The following EHMT1 variants were observed in gnomAD, a reference collection of about 807,000 sequenced individuals.
EHMT1 encodes euchromatic histone lysine methyltransferase 1.
EHMT1 carries 15 observed loss-of-function variants against 147.2 expected under a neutral mutation model. The ratio of observed to expected loss-of-function variants is 0.10; its 90% CI spans 0.07 to 0.16. The LOEUF is 0.16. Ranked by LOEUF, EHMT1 falls within the 10% of genes least tolerant of loss-of-function variation. The pLI is 1.00. For missense variants in EHMT1, 1,587 were observed against 1,772.4 expected, an observed-to-expected ratio of 0.90 and a Z score of 1.88; for synonymous variants, 795 against 709.6, an observed-to-expected ratio of 1.12 and a Z score of -1.91.
intron 1 of EHMT1, chr9:137,646,555 G>A (rs576557591): frequency 4.6e-5 from 28 of 612,306 alleles, no homozygotes; most frequent in South Asian, 7.2e-5. Flanking sequence ...GGAGGCCCCC[G>A]AGCGTGTGGG....
intron 1 of EHMT1, among the ~76,000 whole-genome samples, chr9:137,657,521 T>A (rs1454468430): frequency 3.3e-5 from 5 of 150,932 alleles, no homozygotes; most frequent in South Asian, 2.1e-4. Context: ...TTAATAAAAA[T>A]TTTTTATTTT....
chr9:137,682,337 G>GT (rs1228509109), intron 1 of EHMT1, among the ~76,000 whole-genome samples: 7 of 152,072 alleles, frequency 4.6e-5, no homozygotes, highest in Admixed American at 3.3e-4. Context: ...GTGAACTGTT[G>GT]TTTTTTCCCC....
At chr9:137,716,532 G>T in intron 2 of EHMT1, 94 bp from the exon 3 acceptor site, 2 of 1,075,056 alleles carry the variant, frequency 1.9e-6, no homozygotes, top group South Asian at 3.2e-5. Context: ...GGAGGAAGTT[G>T]TGGTGGTGTC....
rs1267268829 is a variant in EHMT1 at position 137,777,922 on chromosome 9, G to T, written c.2059G>T (p.Gly687Cys). The T allele has an allele frequency of 6.2e-7, 1 of 1,613,630 alleles. No homozygotes were observed. Among genetic ancestry groups the T allele is most frequent in the Non-Finnish European group, 8.5e-7 (1 of 1,180,028 alleles). Residue 687 changes from glycine to cysteine, a missense_variant, in exon 13 of 27, where the codon GGT (glycine) becomes TGT (cysteine). By Grantham distance (159) the Gly-to-Cys change is radical. This residue lies in a region of EHMT1 where 77 missense variants were observed against 79.3 expected (regional missense o/e 0.97). Coordinates refer to ENST00000460843, the MANE Select transcript of EHMT1 (RefSeq NM_024757.5). ...ACTCTCGGAGGACGACAAGCTGCAGGGTGCAGCCTCCCACGTGCCCGAGGG... is the reference window on the plus strand; with the variant it reads ...ACTCTCGGAGGACGACAAGCTGCAGTGTGCAGCCTCCCACGTGCCCGAGGG... ...PPLSEDDKLQ[G>C]AASHVPEGFD...
At chr9:137,830,614 G>A (rs1444633821) in intron 25 of EHMT1, among the ~76,000 whole-genome samples, 10 of 151,946 alleles carry the variant, frequency 6.6e-5, no homozygotes, top group South Asian at 4.2e-4. Context: ...TCCAGCTCCC[G>A]GATGGCATCT....
chr9:137,832,962 T>TG, intron 25 of EHMT1: 1 of 152,410 alleles, frequency 6.6e-6, no homozygotes, highest in East Asian at 1.9e-4. Context: ...CTCTGAACTC[T>TG]GTTTCTTTGG....
At position 137,795,830 on chromosome 9, in the gene EHMT1, A is replaced by G. The variant is rs74373868; in HGVS notation, c.2506-2983A>G. ...TCTAAGAAGACCAGTAAAGACGAAT[A>G]TTGTAATCCCTGGAGAAAGCACCAA... On this transcript the variant is annotated intron_variant, in intron 16 of 26. Coordinates refer to ENST00000460843, the MANE Select transcript of EHMT1 (RefSeq NM_024757.5). Among the ~76,000 whole-genome samples, 449 of 152,282 alleles carry G rather than the reference A, an allele frequency of 2.9e-3. 4 individuals carry two copies. Among genetic ancestry groups the G allele is most frequent in the African/African-American group, 0.01 (424 of 41,546 alleles).
At chr9:137,649,433 C>T (rs1186562226) in intron 1 of EHMT1, among the ~76,000 whole-genome samples, 8 of 151,640 alleles carry the variant, frequency 5.3e-5, no homozygotes, top group Non-Finnish European at 1.2e-4. Flanking sequence ...GCACTCCAGC[C>T]TGGGCAACAG....
chr9:137,817,499 C>T lies in EHMT1; in HGVS notation c.3435C>T (p.Asp1145=). Residue 1145 remains aspartate (D), a synonymous_variant, in exon 24 of 27, where the codon GAC becomes GAT. Coordinates refer to ENST00000460843, the MANE Select transcript of EHMT1 (RefSeq NM_024757.5). The part of the protein sequence containing the change: ...DMGWGVRSLQ[D]IPPGTFVCEY... ...GCTGGGGCGTGCGGTCCCTGCAGGA[C>T]ATCCCACCAGGCACCTTTGTCTGCG... 6.2e-7 allele frequency: 1 copy of T among 1,614,234 alleles called. No individual in the cohort carries two copies. Among genetic ancestry groups the T allele is most frequent in the Non-Finnish European group, 8.5e-7 (1 of 1,180,034 alleles).
At chr9:137,682,166 T>G (rs973787051) in intron 1 of EHMT1, among the ~76,000 whole-genome samples, 3 of 152,096 alleles carry the variant, frequency 2.0e-5, no homozygotes, top group African/African-American at 7.2e-5. Flanking sequence ...GTCAGGATGG[T>G]CTCAATCTCC....
At chr9:137,737,418 C>T (rs921678101) in intron 4 of EHMT1, among the ~76,000 whole-genome samples, 3 of 152,176 alleles carry the variant, frequency 2.0e-5, no homozygotes, top group Non-Finnish European at 4.4e-5. Context: ...GAAAGGACAG[C>T]TTTCCAACAA....
chr9:137,641,635 G>T (rs1262306825), intron 1 of EHMT1: 3 of 239,358 alleles, frequency 1.3e-5, no homozygotes, highest in South Asian at 4.6e-5. Context: ...AGCCTGTTTT[G>T]TGCTGTGCTT....
intron 1 of EHMT1, among the ~76,000 whole-genome samples, chr9:137,636,162 C>T (rs2133730281): frequency 6.6e-6 from 1 of 152,204 alleles, no homozygotes; most frequent in African/African-American, 2.4e-5. Context: ...CCTCAGGATC[C>T]ACCCACCTCC....
intron 18 of EHMT1, chr9:137,802,719 T>C: frequency 1.1e-6 from 1 of 950,054 alleles, no homozygotes; most frequent in Non-Finnish European, 1.4e-6. Context: ...ACCCGCTGCC[T>C]CCCTGCAGGC....
intron 3 of EHMT1, among the ~76,000 whole-genome samples, chr9:137,722,817 T>G (rs1255144427): frequency 6.6e-6 from 1 of 152,174 alleles, no homozygotes; most frequent in Non-Finnish European, 1.5e-5. Flanking sequence ...GCAGAGACTA[T>G]GGGAAGGTGG....
chr9:137,634,578 T>G (rs1477740242), intron 1 of EHMT1, among the ~76,000 whole-genome samples: 7 of 152,186 alleles, frequency 4.6e-5, no homozygotes, highest in Admixed American at 4.6e-4. Context: ...CAACTTTGTC[T>G]TTTTCATGAT....
intron 10 of EHMT1, among the ~76,000 whole-genome samples, chr9:137,773,064 C>G (rs921658275): frequency 6.6e-6 from 1 of 152,008 alleles, no homozygotes; most frequent in Non-Finnish European, 1.5e-5. Context: ...TAATGCATGC[C>G]GATTGTAAAA....
At chr9:137,756,535 C>T (rs1949390916) in intron 8 of EHMT1, among the ~76,000 whole-genome samples, 1 of 152,128 alleles carries the variant, frequency 6.6e-6, no homozygotes, top group African/African-American at 2.4e-5. Context: ...CATGGAGGCT[C>T]CTGGCGTTTG....
At chr9:137,777,415 G>C (rs998964571) in intron 12 of EHMT1, 3 of 195,468 alleles carry the variant, frequency 1.5e-5, no homozygotes, top group Non-Finnish European at 3.2e-5. Context: ...TAACAAAAGA[G>C]ACCCTTTCAA....
Sources: gnomAD v4.1 joint callset for allele counts (sites outside exome capture counted in the v4.1 genomes callset) on GRCh38, gnomAD v4.1.1 for gene constraint, gnomAD v4.1.1 regional missense constraint, MANE v1.5 for transcripts, NCBI Gene and HGNC (gene_info 2026-07-23, HGNC 2026-07-21) for gene names.